COL5A2: variants seen among roughly 807,000 people sequenced by gnomAD.
COL5A2 encodes the protein collagen type V alpha 2 chain.
In COL5A2, 23 loss-of-function variants were observed where a neutral mutation model predicts 208.2. The observed-to-expected ratio is 0.11, with a 90% CI of 0.08 to 0.16. The LOEUF (loss-of-function observed/expected upper bound fraction) is 0.16, where lower values mean the gene tolerates loss of function less well. Ranked by LOEUF, COL5A2 falls within the 10% of genes least tolerant of loss-of-function variation. The probability of loss-of-function intolerance (pLI) is 1.00; values close to 1 mark genes in which losing one functional copy is unlikely to be tolerated. For synonymous variants in COL5A2, 625 were observed against 628.5 expected, an observed-to-expected ratio of 0.99 and a Z score of 0.08; for missense variants, 1,590 against 1,956.4, an observed-to-expected ratio of 0.81 and a Z score of 3.53.
At chr2:189,422,750 C>A in the COL5A2 span, among the ~76,000 whole-genome samples, 1 of 152,110 alleles carries the variant, frequency 6.6e-6, no homozygotes, top group Non-Finnish European at 1.5e-5. Flanking sequence ...CAAGGCCAGG[C>A]GTGGTGGCTC....
At chr2:189,115,191 T>G (rs1687364055) in intron 1 of COL5A2, among the ~76,000 whole-genome samples, 1 of 152,176 alleles carries the variant, frequency 6.6e-6, no homozygotes, top group Admixed American at 6.5e-5. Flanking sequence ...ATCAACTCAA[T>G]TTTTCTGTTT....
At chr2:189,365,583 A>ATCCTTGCCCTATC in the COL5A2 span, among the ~76,000 whole-genome samples, 1 of 152,194 alleles carries the variant, frequency 6.6e-6, no homozygotes, top group Admixed American at 6.5e-5. Flanking sequence ...AGACAATAAC[A>ATCCTTGCCCTATC]CTGGGCAAGG....
chr2:189,383,419 T>A, the COL5A2 span, among the ~76,000 whole-genome samples: 1 of 152,278 alleles, frequency 6.6e-6, no homozygotes, highest in African/African-American at 2.4e-5. Flanking sequence ...TAATTTTAAT[T>A]ACCACTTTAA....
At chr2:189,327,354 G>A in the COL5A2 span, among the ~76,000 whole-genome samples, 1 of 152,210 alleles carries the variant, frequency 6.6e-6, no homozygotes, top group East Asian at 1.9e-4. Context: ...GAGAAAAATT[G>A]TTGAGGGTTG....
the COL5A2 span, among the ~76,000 whole-genome samples, chr2:189,283,345 G>A: frequency 2.8e-4 from 43 of 151,896 alleles, no homozygotes; most frequent in Admixed American, 2.1e-3. Context: ...AAGAGAAAAC[G>A]TTACCCTATG....
At chr2:189,245,012 A>G in the COL5A2 span, among the ~76,000 whole-genome samples, 5 of 152,182 alleles carry the variant, frequency 3.3e-5, no homozygotes, top group Non-Finnish European at 7.3e-5. Context: ...TTTTAAAACC[A>G]TAAGATCTCA....
chr2:189,054,631 AT>A (rs1250689606), intron 35 of COL5A2, among the ~76,000 whole-genome samples: 1 of 151,454 alleles, frequency 6.6e-6, no homozygotes, highest in Admixed American at 6.6e-5. Context: ...TAATAGCAAA[AT>A]ATCACTTTTT....
At chr2:189,347,475 T>C in the COL5A2 span, among the ~76,000 whole-genome samples, 1 of 152,198 alleles carries the variant, frequency 6.6e-6, no homozygotes, top group African/African-American at 2.4e-5. Context: ...TTAAAAGTTC[T>C]ATATAATTAA....
At chr2:189,292,271 C>T in the COL5A2 span, among the ~76,000 whole-genome samples, 1 of 152,118 alleles carries the variant, frequency 6.6e-6, no homozygotes, top group Admixed American at 6.6e-5. Context: ...GGAAAATTGG[C>T]TCATGATTAA....
chr2:189,239,748 A>G, the COL5A2 span, among the ~76,000 whole-genome samples: 2 of 152,040 alleles, frequency 1.3e-5, no homozygotes, highest in South Asian at 4.2e-4. Context: ...GTGCACATGT[A>G]CCCTAAAACT....
At chr2:189,055,607 T>G (rs1685886128) in intron 35 of COL5A2, among the ~76,000 whole-genome samples, 4 of 152,210 alleles carry the variant, frequency 2.6e-5, no homozygotes. Context: ...TTTAAAGGAT[T>G]TGATGAAATA....
intron 1 of COL5A2, among the ~76,000 whole-genome samples, chr2:189,186,820 A>G (rs565534209): frequency 4.8e-4 from 73 of 152,346 alleles, no homozygotes; most frequent in Non-Finnish European, 8.1e-4. Flanking sequence ...CAAATTTTAT[A>G]AATATGTTAC....
the COL5A2 span, among the ~76,000 whole-genome samples, chr2:189,409,524 A>G: frequency 6.6e-6 from 1 of 152,162 alleles, no homozygotes; most frequent in Non-Finnish European, 1.5e-5. Context: ...TTCTGTGAGA[A>G]GTCTTAGAAA....
In COL5A2 at chr2:189,036,861, T is replaced by C; in HGVS notation, c.3926-58A>G. On this transcript the variant is annotated intron_variant, in intron 51 of 53. Transcript: ENST00000374866. Reference sequence around the variant, plus strand: ...AGACAATCTCAATCATGACTATAAGTCTCCAAAAGAATTAACAGAGGGTTT... The same window carrying C: ...AGACAATCTCAATCATGACTATAAGCCTCCAAAAGAATTAACAGAGGGTTT... 3 of 1,287,590 alleles carry C rather than the reference T, an allele frequency of 2.3e-6. No homozygotes were observed. In the South Asian group the frequency reaches 3.8e-5, roughly 16 times the overall value. The allele number at this position is 1,287,590 out of a possible 1,614,324, so 79.8% of individuals were successfully genotyped here. A position where few individuals can be genotyped will look rare whatever the true frequency, so the allele number is the denominator to read the frequency against.
At chr2:189,058,828 C>T (rs772009531) in intron 32 of COL5A2, 21 bp downstream of exon 32, 5 of 1,610,388 alleles carry the variant, frequency 3.1e-6, no homozygotes, top group Non-Finnish European at 4.2e-6. Flanking sequence ...CAACATTAAT[C>T]ATGAAGATTA....
At chr2:189,323,456 A>T in the COL5A2 span, among the ~76,000 whole-genome samples, 1 of 152,196 alleles carries the variant, frequency 6.6e-6, no homozygotes, top group Non-Finnish European at 1.5e-5. Context: ...TTAAGCTGAT[A>T]AGCAACTTCA....
At chr2:189,219,784 G>C (rs1453409797) in intron 1 of COL5A2, among the ~76,000 whole-genome samples, 1 of 152,064 alleles carries the variant, frequency 6.6e-6, no homozygotes, top group South Asian at 2.1e-4. Flanking sequence ...TTGAACTACC[G>C]TGTAAGCCTG....
chr2:189,260,631 G>A, the COL5A2 span, among the ~76,000 whole-genome samples: 8 of 152,100 alleles, frequency 5.3e-5, no homozygotes, highest in African/African-American at 9.7e-5. Flanking sequence ...AAATAAAGTC[G>A]GGTTTTTCTA....
chr2:189,311,955 G>A, the COL5A2 span: 20 of 760,288 alleles, frequency 2.6e-5, no homozygotes, highest in East Asian at 1.3e-4. Flanking sequence ...AGCTGCAGCC[G>A]AGTGACATTG....
Sources: allele counts gnomAD v4.1 joint callset (sites outside exome capture counted in the v4.1 genomes callset), GRCh38; gene constraint gnomAD v4.1.1; transcripts MANE v1.5; gene names NCBI Gene and HGNC (gene_info 2026-07-23, HGNC 2026-07-21).